Variants in TRPM7 observed in about 807,000 individuals in gnomAD.
TRPM7 encodes the protein LTRPC ion channel family member 7.
A neutral mutation model predicts 229.7 loss-of-function variants in TRPM7; 134 were observed. The ratio of observed to expected loss-of-function variants is 0.58; its 90% CI spans 0.51 to 0.67. The LOEUF (loss-of-function observed/expected upper bound fraction) is 0.67, where lower values mean the gene tolerates loss of function less well. TRPM7 is among the 30% of genes least tolerant of loss of function. TRPM7 has a pLI of 0.00. For missense variants in TRPM7, 1,901 were observed against 2,210.0 expected, an observed-to-expected ratio of 0.86 and a Z score of 2.80; for synonymous variants, 699 against 715.2, an observed-to-expected ratio of 0.98 and a Z score of 0.36.
chr15:50,575,926 T>G lies in TRPM7; in HGVS notation c.4619-7A>C. The G allele has an allele frequency of 6.2e-7, 1 of 1,613,024 alleles. No individual in the cohort carries two copies. Among genetic ancestry groups the G allele is most frequent in the Non-Finnish European group, 8.5e-7 (1 of 1,179,512 alleles). On this transcript the variant is annotated splice_region_variant and splice_polypyrimidine_tract_variant and intron_variant, in intron 31 of 38. Transcript: ENST00000646667. ...TTAAATGGAGAAGTGAGACCTAGAA[T>G]GGCAAATAAACAAACGAGACCATTT...
chr15:50,604,623 G>T, intron 21 of TRPM7: 1 of 276,102 alleles, frequency 3.6e-6, no homozygotes, highest in Non-Finnish European at 6.7e-6. Context: ...GGAAAAAGGA[G>T]TTACCTACAG....
At chr15:50,663,809 A>C (rs2061799654) in intron 1 of TRPM7, among the ~76,000 whole-genome samples, 1 of 152,104 alleles carries the variant, frequency 6.6e-6, no homozygotes, top group South Asian at 2.1e-4. Flanking sequence ...CCAAAAGCTA[A>C]AAAATTAGCC....
At chr15:50,617,508 A>G (rs1355935991) in intron 13 of TRPM7, among the ~76,000 whole-genome samples, 1 of 152,138 alleles carries the variant, frequency 6.6e-6, no homozygotes, top group Non-Finnish European at 1.5e-5. Context: ...TCATTTCAAA[A>G]AAAAAAATTT....
intron 3 of TRPM7, among the ~76,000 whole-genome samples, chr15:50,656,904 C>T (rs1382177989): frequency 6.6e-6 from 1 of 152,252 alleles, no homozygotes; most frequent in Non-Finnish European, 1.5e-5. Context: ...TCAAATATGC[C>T]TACTTCTCTT....
chr15:50,582,190 C>T (rs543467770), intron 29 of TRPM7, among the ~76,000 whole-genome samples: 5 of 152,088 alleles, frequency 3.3e-5, no homozygotes, highest in Admixed American at 1.3e-4. Flanking sequence ...AACTCCTGAT[C>T]TCAAGTGATC....
At position 50,662,958 on chromosome 15, in the gene TRPM7, T is replaced by G. The variant is rs1448846329; in HGVS notation, c.83+9A>C. 1 of 1,602,118 alleles carries G rather than the reference T, an allele frequency of 6.2e-7. No homozygotes were observed. On this transcript the variant is annotated intron_variant, in intron 2 of 38. Coordinates refer to ENST00000646667, the MANE Select transcript of TRPM7 (RefSeq NM_017672.6). The stretch of plus-strand genomic sequence containing the variant: ...TAGAAGACCCCAGAAGTAACAAAGG[T>G]GTGCTTACCTGTGAGGGTCCTTGGA...
At chr15:50,591,704 C>T (rs1209967274) in intron 26 of TRPM7, among the ~76,000 whole-genome samples, 1 of 152,050 alleles carries the variant, frequency 6.6e-6, no homozygotes, top group Non-Finnish European at 1.5e-5. Context: ...TGCTATGTTG[C>T]TCAGGCTGGT....
Position 50,619,774 on chromosome 15 carries a change from G to A in TRPM7, c.1465C>T (p.Leu489=), listed in dbSNP as rs370175729. Residue 489 remains leucine (L), a synonymous_variant, in exon 13 of 39, where the codon CTG becomes TTG. Transcript: ENST00000646667. ...TTGACGTCTCGAACAAGATGAAACA[G>A]CATTGGATTAGTTGGACCTTGTTTC... The part of the protein sequence containing the change: ...NTKQGPTNPM[L]FHLVRDVKQG... The A allele has an allele frequency of 1.9e-6, 3 of 1,599,570 alleles. No homozygotes were observed. The highest frequency in any genetic ancestry group is 2.6e-6 in the Non-Finnish European group (3 of 1,175,892).
chr15:50,639,289 A>G, intron 6 of TRPM7, 135 bp downstream of exon 6: 1 of 648,328 alleles, frequency 1.5e-6, no homozygotes, highest in Non-Finnish European at 2.2e-6. Flanking sequence ...TCAGAAGTAA[A>G]CCTCAGGAAA....
rs573926046 is a variant in TRPM7 at position 50,576,001 on chromosome 15, C to A, written c.4619-82G>T. ...TTTAACCCGGATAATCTCATAAAATCATTTTGAATTTCCATAGTGTAACTG... is the reference window on the plus strand; with the variant it reads ...TTTAACCCGGATAATCTCATAAAATAATTTTGAATTTCCATAGTGTAACTG... On this transcript the variant is annotated intron_variant, in intron 31 of 38. Coordinates refer to ENST00000646667, the MANE Select transcript of TRPM7 (RefSeq NM_017672.6). 1.4e-5 allele frequency: 20 copies of A among 1,399,410 alleles called. No individual in the cohort carries two copies. The South Asian group carries it at 2.3e-4, about 16-fold the overall frequency. 86.7% of individuals were successfully genotyped at this position (1,399,410 alleles called of 1,614,324 possible).
intron 10 of TRPM7, among the ~76,000 whole-genome samples, chr15:50,629,859 C>CTTT (rs33991422): frequency 0.025 from 2,656 of 106,430 alleles, 64 homozygotes; most frequent in East Asian, 0.093. Context: ...TCTTTTTAAC[C>CTTT]TTTTTTTTTT....
At chr15:50,592,799 A>T (rs1316063368) in intron 25 of TRPM7, among the ~76,000 whole-genome samples, 173 bp from the exon 26 acceptor site, 25 of 152,348 alleles carry the variant, frequency 1.6e-4, no homozygotes, top group Non-Finnish European at 2.9e-5. Flanking sequence ...TTTAAGAAGG[A>T]TCCAGTGCTA....
chr15:50,580,835 G>T (rs2054366122), intron 30 of TRPM7, 39 bp downstream of exon 30: 4 of 1,565,088 alleles, frequency 2.6e-6, no homozygotes, highest in Non-Finnish European at 3.4e-6. Context: ...CAATAACTAT[G>T]ATACTTCGCA....
Position 50,607,212 on chromosome 15 carries a change from C to A in TRPM7, c.2697G>T (p.Glu899Asp). 3 of 1,608,284 alleles carry A rather than the reference C, an allele frequency of 1.9e-6. No homozygotes were observed. Among genetic ancestry groups the A allele is most frequent in the Non-Finnish European group, 2.5e-6 (3 of 1,178,212 alleles). ...ACTAAAGACATACCTCACGGACTTT[C>A]TCAATGGCATAAGTAAAAATATAAG... Reference protein sequence around the residue: ...VIAYIFTYAIEKVREIFMSEA... With the variant: ...VIAYIFTYAIDKVREIFMSEA... Residue 899 changes from glutamate to aspartate, a missense_variant, in exon 20 of 39, where the codon GAG becomes GAT. Around this residue, in one of 8 missense-constraint regions of TRPM7, gnomAD observed 207 missense variants for 241.5 expected, o/e 0.86. Transcript: ENST00000646667.
chr15:50,596,247 A>T lies in TRPM7; in HGVS notation c.3290+8T>A, dbSNP rs557342844. The T allele has an allele frequency of 6.7e-7, 1 of 1,486,096 alleles. No individual in the cohort carries two copies. The highest frequency in any genetic ancestry group is 9.0e-7 in the Non-Finnish European group (1 of 1,106,268). 92.1% of individuals were successfully genotyped at this position (1,486,096 alleles called of 1,614,324 possible). A position where few individuals can be genotyped will look rare whatever the true frequency, so the allele number is the denominator to read the frequency against. On this transcript the variant is annotated splice_region_variant and intron_variant, in intron 23 of 38. Coordinates refer to ENST00000646667, the MANE Select transcript of TRPM7 (RefSeq NM_017672.6). Reference sequence around the variant, plus strand: ...ATCTTATAACAAACAATTGAACAAAATTCTTACTTGAAAAATGCAATAAGA... The same window carrying T: ...ATCTTATAACAAACAATTGAACAAATTTCTTACTTGAAAAATGCAATAAGA...
chr15:50,563,071 T>C (rs1596039232), intron 38 of TRPM7, among the ~76,000 whole-genome samples: 1 of 152,086 alleles, frequency 6.6e-6, no homozygotes, highest in South Asian at 2.1e-4. Context: ...TAGTAGAAAT[T>C]GAGCTCAAGC....
At chr15:50,600,935 G>A (rs979509098) in intron 21 of TRPM7, among the ~76,000 whole-genome samples, 14 of 152,136 alleles carry the variant, frequency 9.2e-5, no homozygotes, top group African/African-American at 3.4e-4. Flanking sequence ...ATTCTTAATT[G>A]GGTGTTCTTA....
chr15:50,616,960 G>A (rs1355972931), intron 13 of TRPM7, among the ~76,000 whole-genome samples: 1 of 151,854 alleles, frequency 6.6e-6, no homozygotes, highest in Non-Finnish European at 1.5e-5. Flanking sequence ...AATGAATTTT[G>A]TAATTTGTGA....
intron 1 of TRPM7, among the ~76,000 whole-genome samples, chr15:50,674,268 C>A (rs540477196): frequency 2.0e-5 from 3 of 151,886 alleles, no homozygotes; most frequent in African/African-American, 7.3e-5. Context: ...GGATTACAGG[C>A]GTGAGCCACC....
Sources: allele counts gnomAD v4.1 joint callset (sites outside exome capture counted in the v4.1 genomes callset), GRCh38; gene constraint gnomAD v4.1.1; regional missense constraint gnomAD v4.1.1; transcripts MANE v1.5; gene names NCBI Gene and HGNC (gene_info 2026-07-23, HGNC 2026-07-21).